Variants in GSG1L observed in about 807,000 individuals in gnomAD.
GSG1L encodes the protein germ cell-specific gene 1-like protein.
GSG1L carries 24 observed loss-of-function variants against 42.1 expected under a neutral mutation model. That is an observed-to-expected ratio of 0.57 (90% CI 0.41 to 0.80). The LOEUF is 0.80. Ranked by LOEUF, GSG1L falls within the 30% of genes least tolerant of loss-of-function variation. The pLI, the probability that GSG1L is intolerant of heterozygous loss-of-function variation, is 0.00. For missense variants in GSG1L, 445 were observed against 472.2 expected, an observed-to-expected ratio of 0.94 and a Z score of 0.53; for synonymous variants, 215 against 203.5, an observed-to-expected ratio of 1.06 and a Z score of -0.48.
chr16:27,912,964 T>C (rs1317728360), intron 2 of GSG1L, among the ~76,000 whole-genome samples: 1 of 151,960 alleles, frequency 6.6e-6, no homozygotes. Flanking sequence ...CATGGCAGAA[T>C]CTTTATTTTT....
intron 2 of GSG1L, among the ~76,000 whole-genome samples, chr16:27,941,292 C>T (rs902709445): frequency 6.6e-6 from 1 of 151,916 alleles, no homozygotes; most frequent in Non-Finnish European, 1.5e-5. Context: ...AAAGACTCCT[C>T]CTGTAACTTA....
intron 2 of GSG1L, among the ~76,000 whole-genome samples, chr16:27,935,462 T>A (rs958488476): frequency 1.3e-5 from 2 of 152,100 alleles, no homozygotes; most frequent in Non-Finnish European, 2.9e-5. Context: ...AAATCTTAAA[T>A]GACCACTTAG....
At chr16:27,931,273 C>T (rs2084655177) in intron 2 of GSG1L, among the ~76,000 whole-genome samples, 1 of 152,202 alleles carries the variant, frequency 6.6e-6, no homozygotes, top group African/African-American at 2.4e-5. Context: ...GGCTGGACAG[C>T]TTCCCGGCTG....
In GSG1L at chr16:27,942,147, C is replaced by CTT. The variant is rs34617355; in HGVS notation, c.397+21007_397+21008dup. Among the ~76,000 whole-genome samples the CTT allele has an allele frequency of 1.8e-3, 204 of 115,946 alleles. 3 individuals carry two copies. The highest frequency in any genetic ancestry group is 0.014 in the Middle Eastern group (3 of 210). The allele number at this position is 115,946 out of a possible 152,430, so 76.1% of individuals were successfully genotyped here. On this transcript the variant is annotated intron_variant, in intron 2 of 6. Transcript: ENST00000447459. ...ATAATAAAAAAAATTAAAACTTCTT[C>CTT]TTTTTTTTTTTTTTTTTTTTGAGAC...
chr16:28,008,468 C>T (rs1490368867), intron 1 of GSG1L, among the ~76,000 whole-genome samples: 1 of 152,218 alleles, frequency 6.6e-6, no homozygotes, highest in Non-Finnish European at 1.5e-5. Context: ...AGGGGTCCAG[C>T]ATGACACCTG....
chr16:27,918,683 G>A (rs183470437), intron 2 of GSG1L, among the ~76,000 whole-genome samples: 8 of 150,436 alleles, frequency 5.3e-5, no homozygotes, highest in African/African-American at 2.0e-4. Flanking sequence ...AAAAAAGAAA[G>A]AAAAAGAAAA....
At chr16:27,845,146 T>TG in intron 3 of GSG1L, 85 bp from the exon 4 acceptor site, 1 of 831,854 alleles carries the variant, frequency 1.2e-6, no homozygotes, top group South Asian at 1.6e-5. Context: ...GCTGCCTGCC[T>TG]GCCTGTCTGC....
chr16:28,039,218 G>A (rs2141183165), intron 1 of GSG1L, among the ~76,000 whole-genome samples: 1 of 152,292 alleles, frequency 6.6e-6, no homozygotes, highest in South Asian at 2.1e-4. Context: ...TGTCGACCAT[G>A]GGGAAGGAAG....
intron 2 of GSG1L, among the ~76,000 whole-genome samples, chr16:27,891,454 A>G (rs1167528630): frequency 6.8e-6 from 1 of 148,042 alleles, no homozygotes; most frequent in Non-Finnish European, 1.5e-5. Flanking sequence ...ACTTTTTTTT[A>G]TTATTTGTTA....
At chr16:28,039,643 A>G (rs1035547983) in intron 1 of GSG1L, among the ~76,000 whole-genome samples, 1 of 152,016 alleles carries the variant, frequency 6.6e-6, no homozygotes, top group African/African-American at 2.4e-5. Flanking sequence ...GCGTGCACAC[A>G]CATGCACACT....
At chr16:27,869,963 CCTT>C (rs1395871425) in intron 3 of GSG1L, among the ~76,000 whole-genome samples, 5 of 141,848 alleles carry the variant, frequency 3.5e-5, no homozygotes, top group South Asian at 4.6e-4. Context: ...CTCTCTCTCT[CCTT>C]CTCTCTCTCT....
At chr16:28,035,462 ACT>A (rs2086022679) in intron 1 of GSG1L, among the ~76,000 whole-genome samples, 1 of 152,072 alleles carries the variant, frequency 6.6e-6, no homozygotes, top group African/African-American at 2.4e-5. Flanking sequence ...TTTACCATCT[ACT>A]CATCTCCCTC....
At chr16:27,932,936 G>A (rs548148008) in intron 2 of GSG1L, among the ~76,000 whole-genome samples, 11 of 152,032 alleles carry the variant, frequency 7.2e-5, no homozygotes, top group East Asian at 1.9e-4. Flanking sequence ...AAGGTAACCC[G>A]CCCAACCTGC....
chr16:27,980,332 G>A (rs531085817), intron 1 of GSG1L, among the ~76,000 whole-genome samples: 9 of 152,138 alleles, frequency 5.9e-5, no homozygotes, highest in South Asian at 2.1e-4. Context: ...TCTGAAGATC[G>A]TGACTTAATT....
At chr16:27,959,842 G>A (rs1259728668) in intron 2 of GSG1L, among the ~76,000 whole-genome samples, 1 of 152,118 alleles carries the variant, frequency 6.6e-6, no homozygotes, top group Non-Finnish European at 1.5e-5. Context: ...ATGAAAGGAG[G>A]TAACCACTTA....
At chr16:27,851,776 G>A (rs1315705874) in intron 3 of GSG1L, among the ~76,000 whole-genome samples, 1 of 152,228 alleles carries the variant, frequency 6.6e-6, no homozygotes, top group Non-Finnish European at 1.5e-5. Context: ...GGTGACACCT[G>A]TCAGGGCCTC....
intron 3 of GSG1L, among the ~76,000 whole-genome samples, chr16:27,858,413 G>C (rs1380396201): frequency 6.6e-6 from 1 of 152,192 alleles, no homozygotes; most frequent in Non-Finnish European, 1.5e-5. Flanking sequence ...CTCAGCCAGG[G>C]TAACACAGCA....
intron 1 of GSG1L, among the ~76,000 whole-genome samples, chr16:28,046,587 C>T (rs926637756): frequency 4.6e-5 from 7 of 152,190 alleles, no homozygotes; most frequent in Admixed American, 1.3e-4. Context: ...ATCTCCTGAC[C>T]TCATGATCCG....
chr16:27,947,384 A>AAAACAAAG (rs1555509991), intron 2 of GSG1L, among the ~76,000 whole-genome samples: 4 of 130,764 alleles, frequency 3.1e-5, no homozygotes, highest in Non-Finnish European at 3.1e-5. Context: ...GAAAGAAAGA[A>AAAACAAAG]AAAGAAAGAA....
Sources: gnomAD v4.1 joint callset for allele counts (sites outside exome capture counted in the v4.1 genomes callset) on GRCh38, gnomAD v4.1.1 for gene constraint, MANE v1.5 for transcripts, NCBI Gene and HGNC (gene_info 2026-07-23, HGNC 2026-07-21) for gene names.